The following MYOF variants were observed in gnomAD, a reference collection of about 807,000 sequenced individuals.
MYOF encodes the protein fer-1-like 3, myoferlin.
Under a neutral mutation model 284.2 loss-of-function variants are expected in MYOF, and 244 were observed. That is an observed-to-expected ratio of 0.86 (90% CI 0.77 to 0.95). The LOEUF is 0.95. MYOF is among the 40% of genes least tolerant of loss of function. MYOF has a pLI of 0.00. For missense variants in MYOF, 2,496 were observed against 2,560.6 expected, an observed-to-expected ratio of 0.97 and a Z score of 0.54; for synonymous variants, 904 against 919.7, an observed-to-expected ratio of 0.98 and a Z score of 0.31.
chr10:93,389,843 G>C (rs1381030052), intron 17 of MYOF, among the ~76,000 whole-genome samples: 1 of 152,118 alleles, frequency 6.6e-6, no homozygotes, highest in Non-Finnish European at 1.5e-5. Flanking sequence ...TGCGGGTGAG[G>C]GTGGGGAAAT....
chr10:93,343,674 GTCA>G (rs2133857869), intron 38 of MYOF, among the ~76,000 whole-genome samples, 179 bp downstream of exon 38: 1 of 152,328 alleles, frequency 6.6e-6, no homozygotes, highest in Non-Finnish European at 1.5e-5. Context: ...TCTACACAAT[GTCA>G]TCATAACTGT....
chr10:93,381,861 AC>A (rs1485497638), intron 19 of MYOF, among the ~76,000 whole-genome samples: 3 of 151,818 alleles, frequency 2.0e-5, no homozygotes, highest in African/African-American at 4.8e-5. Flanking sequence ...ACATGGTGAA[AC>A]CCTGTCTCTA....
Position 93,384,510 on chromosome 10 carries a change from G to A in MYOF, c.1699-3114C>T, listed in dbSNP as rs1589478390. Among the ~76,000 whole-genome samples the A allele has an allele frequency of 2.6e-5, 4 of 152,006 alleles. No homozygotes were observed. The South Asian group carries it at 8.3e-4, about 32-fold the overall frequency. On this transcript the variant is annotated intron_variant, in intron 19 of 53. Coordinates refer to ENST00000359263, the MANE Select transcript of MYOF (RefSeq NM_013451.4). The stretch of plus-strand genomic sequence containing the variant: ...ATACAAAAAATTAGCTGGGCATGGT[G>A]AGAGGTGCCTGTAATCCCAGCTACT...
chr10:93,436,093 G>A (rs1441969277), intron 3 of MYOF, among the ~76,000 whole-genome samples: 1 of 151,994 alleles, frequency 6.6e-6, no homozygotes, highest in Non-Finnish European at 1.5e-5. Context: ...ACACAAGAGT[G>A]TCAGGAGAGA....
At chr10:93,311,536 C>A (rs1440694576) in intron 51 of MYOF, among the ~76,000 whole-genome samples, 1 of 148,844 alleles carries the variant, frequency 6.7e-6, no homozygotes, top group African/African-American at 2.5e-5. Flanking sequence ...TTGCAGTAAG[C>A]AGAGATCGCA....
chr10:93,413,279 C>T (rs899753735), intron 5 of MYOF, among the ~76,000 whole-genome samples: 1 of 152,150 alleles, frequency 6.6e-6, no homozygotes, highest in South Asian at 2.1e-4. Context: ...AGGAAACCAG[C>T]CTAAGCCATG....
chr10:93,472,731 A>G (rs202062190), intron 1 of MYOF, among the ~76,000 whole-genome samples: 60 of 152,360 alleles, frequency 3.9e-4, no homozygotes, highest in Non-Finnish European at 6.3e-4. Flanking sequence ...TACCACAATT[A>G]AAAACAAAGA....
Position 93,347,617 on chromosome 10 carries a change from C to T in MYOF, c.4249G>A (p.Ala1417Thr), listed in dbSNP as rs769906941. The T allele has an allele frequency of 6.2e-7, 1 of 1,610,160 alleles. No homozygotes were observed. The highest frequency in any genetic ancestry group is 1.3e-5 in the African/African-American group (1 of 74,516). Residue 1417 changes from alanine (A) to threonine (T), a missense_variant and splice_region_variant, in exon 37 of 54, where the codon GCC becomes ACC. Ala to Thr is a moderately conservative substitution (Grantham distance 58, BLOSUM62 0). Around this residue, in one of 3 missense-constraint regions of MYOF, gnomAD observed 2,436 missense variants for 2,480.7 expected, o/e 0.98. Coordinates refer to ENST00000359263, the MANE Select transcript of MYOF (RefSeq NM_013451.4). Reference sequence around the variant, plus strand: ...ACTTATGCACAGCCTTGCATGTTACCTTTGAGCTGTGGGACGATGTCCTCT... The same window carrying T: ...ACTTATGCACAGCCTTGCATGTTACTTTTGAGCTGTGGGACGATGTCCTCT... ...GKEDIVPQLK[A>T]SLLSAPPCRD...
At chr10:93,416,598 CTTTTTTTT>C (rs374329657) in intron 5 of MYOF, among the ~76,000 whole-genome samples, 1 of 119,796 alleles carries the variant, frequency 8.3e-6, no homozygotes, top group Non-Finnish European at 1.8e-5. Flanking sequence ...TTTGATCAGG[CTTTTTTTT>C]TTTTTTTTTG....
chr10:93,328,884 T>G lies in MYOF; in HGVS notation c.5010A>C (p.Gln1670His). 1 of 1,612,458 alleles carries G rather than the reference T, an allele frequency of 6.2e-7. No homozygotes were observed. Among genetic ancestry groups the G allele is most frequent in the African/African-American group, 1.3e-5 (1 of 75,038 alleles). ...CVSGVNTWRD[Q>H]LRPTQLLQNV... ...TTTGAAGCAGCTGTGTTGGTCTCAG[T>G]TGATCTCGCCAGGTATTGACTCCAG... Residue 1670 changes from glutamine to histidine, a missense_variant, in exon 45 of 54, where the codon CAA becomes CAC. Gln to His is a conservative substitution (Grantham distance 24). Transcript: ENST00000359263.
At chr10:93,406,112 C>T (rs1847556336) in intron 7 of MYOF, among the ~76,000 whole-genome samples, 2 of 150,794 alleles carry the variant, frequency 1.3e-5, no homozygotes. Context: ...TGTGTGCCAC[C>T]ACACCCGGCT....
intron 1 of MYOF, 61 bp from the exon 2 acceptor site, chr10:93,456,998 C>A (rs2056760265): frequency 7.8e-7 from 1 of 1,275,594 alleles, no homozygotes; most frequent in Non-Finnish European, 1.1e-6. Flanking sequence ...GAGCGTGGGC[C>A]ATTCATTTAT....
intron 22 of MYOF, among the ~76,000 whole-genome samples, chr10:93,376,249 A>C (rs1845830373): frequency 6.6e-6 from 1 of 152,208 alleles, no homozygotes; most frequent in Non-Finnish European, 1.5e-5. Context: ...ATTGTATTTG[A>C]AGGGTTAATT....
chr10:93,351,640 A>T (rs1416596568), intron 33 of MYOF, 25 bp downstream of exon 33: 1 of 1,592,764 alleles, frequency 6.3e-7, no homozygotes, highest in Non-Finnish European at 8.5e-7. Flanking sequence ...TCCCCAAGTT[A>T]TCTTAGAAAT....
chr10:93,335,836 C>T, intron 41 of MYOF, 85 bp downstream of exon 41: 2 of 1,501,896 alleles, frequency 1.3e-6, no homozygotes, highest in Non-Finnish European at 1.8e-6. Flanking sequence ...ATGTGCCCCT[C>T]CCTAGAGCCT....
chr10:93,359,960 G>A lies in MYOF; in HGVS notation c.2993C>T (p.Thr998Ile). The change falls in exon 29 of 54, where the codon ACC (threonine) becomes ATC (isoleucine). Residue 998 changes from threonine (T) to isoleucine (I), a missense_variant. Physicochemically the swap from Thr to Ile is moderately conservative, Grantham distance 89. Coordinates refer to ENST00000359263, the MANE Select transcript of MYOF (RefSeq NM_013451.4). ...TTTGGGCTTATGATCAGGAGGAATG[G>A]TGATTCCATATTCCCAGCCTGGAAC... Reference protein sequence around the residue: ...VDEKGWEYGITIPPDHKPKSW... With the variant: ...VDEKGWEYGIIIPPDHKPKSW... 1 of 1,614,178 alleles carries A rather than the reference G, an allele frequency of 6.2e-7. No individual in the cohort carries two copies.
At position 93,358,196 on chromosome 10, in the gene MYOF, A is replaced by G. The variant is rs1481962154; in HGVS notation, c.3121-1348T>C. Among the ~76,000 whole-genome samples, 7 of 152,362 alleles carry G rather than the reference A, an allele frequency of 4.6e-5. No individual in the cohort carries two copies. The East Asian group carries it at 1.4e-3, about 29-fold the overall frequency. ...ATTTATGTGGCCAAAAAACATGAAA[A>G]AAAGCTCAACATCACGGATCACTAG... On this transcript the variant is annotated intron_variant, in intron 29 of 53. Transcript: ENST00000359263.
rs780825365 is a variant in MYOF at position 93,325,896 on chromosome 10, G to A, written c.5201C>T (p.Thr1734Ile). 7 of 1,613,998 alleles carry A rather than the reference G, an allele frequency of 4.3e-6. No homozygotes were observed. The East Asian group carries it at 6.7e-5, about 15-fold the overall frequency. ...EERLALHILR[T>I]QGLVPEHVET... The stretch of plus-strand genomic sequence containing the variant: ...CACGTGCTCAGGGACCAGCCCCTGA[G>A]TCCTGAGGATGTGAAGAGCAAGCCG... Residue 1734 changes from threonine to isoleucine, a missense_variant, in exon 46 of 54, where the codon ACT becomes ATT. Thr to Ile is a moderately conservative substitution (Grantham distance 89). This residue lies in a region of MYOF where 2,436 missense variants were observed against 2,480.7 expected (regional missense o/e 0.98). Transcript: ENST00000359263.
chr10:93,318,169 T>G (rs1055410168), intron 49 of MYOF, among the ~76,000 whole-genome samples: 3 of 152,140 alleles, frequency 2.0e-5, no homozygotes, highest in Non-Finnish European at 2.9e-5. Context: ...AAAGTCCCCT[T>G]TGTCACTTTG....
Sources: allele counts gnomAD v4.1 joint callset (sites outside exome capture counted in the v4.1 genomes callset), GRCh38; gene constraint gnomAD v4.1.1; regional missense constraint gnomAD v4.1.1; transcripts MANE v1.5; gene names NCBI Gene and HGNC (gene_info 2026-07-23, HGNC 2026-07-21).